The following ZNF346 variants were observed in gnomAD, a reference collection of about 807,000 sequenced individuals.
ZNF346 encodes the protein double-stranded RNA-binding zinc finger protein JAZ.
ZNF346 carries 23 observed loss-of-function variants against 33.7 expected under a neutral mutation model. The observed-to-expected ratio is 0.68, with a 90% CI of 0.49 to 0.97. The LOEUF (loss-of-function observed/expected upper bound fraction) is 0.97. Ranked by LOEUF, ZNF346 falls within the 50% of genes least tolerant of loss-of-function variation. The pLI is 0.00. For synonymous variants in ZNF346, 134 were observed against 142.4 expected (o/e 0.94, Z 0.42); for missense variants, 340 against 371.1 (o/e 0.92, Z 0.69).
Position 177,024,157 on chromosome 5 carries a change from T to TACACACACACACACACACACACACACAC in ZNF346, c.175+1266_175+1267insACACACACACACACACACACACACACAC, listed in dbSNP as rs144403449. ...TATACACTTGTAAGTATTTTATGTA[T>TACACACACACACACACACACACACACAC]ACACACACACACACACACACACTAT... is the stretch of plus-strand genomic sequence containing the variant. On this transcript the variant is annotated intron_variant, in intron 1 of 6. Transcript: ENST00000358149. Among the ~76,000 whole-genome samples the TACACACACACACACACACACACACACAC allele has an allele frequency of 8.2e-4, 100 of 121,356 alleles. 2 individuals carry two copies. Among genetic ancestry groups the TACACACACACACACACACACACACACAC allele is most frequent in the African/African-American group, 9.2e-4 (29 of 31,410 alleles). The allele number at this position is 121,356 out of a possible 152,430, so 79.6% of individuals were successfully genotyped here. A position where few individuals can be genotyped will look rare whatever the true frequency, so the allele number is the denominator to read the frequency against.
intron 1 of ZNF346, among the ~76,000 whole-genome samples, chr5:177,024,903 G>C (rs981376365): frequency 2.0e-5 from 3 of 152,124 alleles, no homozygotes; most frequent in African/African-American, 7.2e-5. Context: ...GTGAAATCTA[G>C]GTAGACACCT....
At chr5:177,028,019 A>G (rs1281615464) in intron 1 of ZNF346, among the ~76,000 whole-genome samples, 2 of 65,518 alleles carry the variant, frequency 3.1e-5, no homozygotes, top group Non-Finnish European at 6.5e-5. Flanking sequence ...TACACAGAAT[A>G]TTTTGTTTCT....
chr5:177,038,275 G>GTGTTTTTTAATTTTTT (rs1778828987), intron 1 of ZNF346, among the ~76,000 whole-genome samples: 1 of 134,810 alleles, frequency 7.4e-6, no homozygotes, highest in Non-Finnish European at 1.6e-5. Flanking sequence ...TTTTGTGTGT[G>GTGTTTTTTAATTTTTT]TGTGTTTTTT....
chr5:177,036,094 A>G (rs1480521734), intron 1 of ZNF346, among the ~76,000 whole-genome samples: 1 of 151,866 alleles, frequency 6.6e-6, no homozygotes, highest in African/African-American at 2.4e-5. Flanking sequence ...TTGCAGTCAG[A>G]TGGTGGCTCA....
intron 5 of ZNF346, chr5:177,052,316 T>C (rs1357330358): frequency 6.6e-6 from 1 of 152,016 alleles, no homozygotes; most frequent in Non-Finnish European, 1.5e-5. Context: ...TACAGTTATG[T>C]GCCACCCCAC....
intron 1 of ZNF346, among the ~76,000 whole-genome samples, chr5:177,034,180 C>A (rs1327876698): frequency 6.6e-6 from 1 of 150,934 alleles, no homozygotes; most frequent in East Asian, 1.9e-4. Flanking sequence ...GGCTACCACA[C>A]CTGGCTTAAA....
At chr5:177,063,152 G>A (rs560102094) in intron 6 of ZNF346, among the ~76,000 whole-genome samples, 3 of 151,710 alleles carry the variant, frequency 2.0e-5, no homozygotes, top group Admixed American at 6.6e-5. Flanking sequence ...CATCTGCCTC[G>A]GCCTCCCAAA....
chr5:177,076,528 T>C (rs1011684302), intron 8 of ZNF346, among the ~76,000 whole-genome samples: 1 of 152,220 alleles, frequency 6.6e-6, no homozygotes, highest in Non-Finnish European at 1.5e-5. Flanking sequence ...GCAAGAATCC[T>C]GTTGGGTCAG....
chr5:177,054,996 A>G, intron 5 of ZNF346, among the ~76,000 whole-genome samples: 1 of 151,824 alleles, frequency 6.6e-6, no homozygotes, highest in East Asian at 1.9e-4. Flanking sequence ...AGATTTTGCT[A>G]CATATTACTA....
At chr5:177,038,644 C>G (rs1031298492) in intron 1 of ZNF346, among the ~76,000 whole-genome samples, 3 of 151,720 alleles carry the variant, frequency 2.0e-5, no homozygotes, top group Non-Finnish European at 4.4e-5. Flanking sequence ...AGAGTGCATT[C>G]CAGCAGAGAG....
chr5:177,070,408 T>A (rs1783446497), downstream of ZNF346, among the ~76,000 whole-genome samples: 1 of 152,106 alleles, frequency 6.6e-6, no homozygotes. Context: ...AGGGAGCCCC[T>A]GCTCATGGCT....
At chr5:177,027,710 C>T (rs1411962248) in intron 1 of ZNF346, among the ~76,000 whole-genome samples, 1 of 150,694 alleles carries the variant, frequency 6.6e-6, no homozygotes, top group African/African-American at 2.4e-5. Flanking sequence ...GTCTCTGTTG[C>T]CCAGGCTAGA....
intron 1 of ZNF346, among the ~76,000 whole-genome samples, chr5:177,023,474 C>T (rs1731227725): frequency 6.6e-6 from 1 of 152,186 alleles, no homozygotes; most frequent in Non-Finnish European, 1.5e-5. Context: ...GACAAGGAGC[C>T]TGAGAAACTG....
In ZNF346 at chr5:177,041,788, A is replaced by G. The variant is rs746639475; in HGVS notation, c.290A>G (p.His97Arg). The G allele has an allele frequency of 6.2e-7, 1 of 1,612,898 alleles. No individual in the cohort carries two copies. Residue 97 changes from histidine to arginine, a missense_variant, in exon 3 of 7, where the codon CAT becomes CGT. Transcript: ENST00000358149. ...CCTGGGTTTTTGCAGAGCAAAAAAC[A>G]TGCCAACAAAGTGAAGAGATACCTA... Reference protein sequence around the residue: ...QKLAHYQSKKHANKVKRYLAI... With the variant: ...QKLAHYQSKKRANKVKRYLAI...
intron 5 of ZNF346, among the ~76,000 whole-genome samples, chr5:177,056,464 A>G (rs1453723684): frequency 3.3e-5 from 5 of 152,180 alleles, no homozygotes; most frequent in Non-Finnish European, 7.3e-5. Context: ...ATAAAGACAC[A>G]TGTATGTTTA....
chr5:177,036,018 T>C (rs1383974458), intron 1 of ZNF346, among the ~76,000 whole-genome samples: 1 of 151,738 alleles, frequency 6.6e-6, no homozygotes, highest in African/African-American at 2.4e-5. Flanking sequence ...AACCTCTCAG[T>C]TTTTGTGGGC....
At chr5:177,052,224 A>G (rs10079259) in intron 5 of ZNF346, among the ~76,000 whole-genome samples, 21,077 of 151,340 alleles carry the variant, frequency 0.14, 3,115 homozygotes, top group African/African-American at 0.37. Context: ...CTGGAGTACA[A>G]TGACACCATC....
chr5:177,034,881 C>G (rs1228872949), intron 1 of ZNF346, among the ~76,000 whole-genome samples: 1 of 152,246 alleles, frequency 6.6e-6, no homozygotes, highest in East Asian at 1.9e-4. Context: ...TTGCTTCCAG[C>G]AGAGCTGTGA....
chr5:177,079,191 G>C (rs1429184541), intron 8 of ZNF346, among the ~76,000 whole-genome samples: 4 of 150,770 alleles, frequency 2.7e-5, no homozygotes, highest in Non-Finnish European at 5.9e-5. Context: ...AGATTTGCTT[G>C]AACCTGGGAG....
Sources: allele counts gnomAD v4.1 joint callset (sites outside exome capture counted in the v4.1 genomes callset), GRCh38; gene constraint gnomAD v4.1.1; transcripts MANE v1.5; gene names NCBI Gene and HGNC (gene_info 2026-07-23, HGNC 2026-07-21).